Variants in TRERF1 observed in about 807,000 individuals in gnomAD.
The protein encoded by TRERF1 is transcriptional regulating factor 1, also known as transcriptional-regulating factor 1.
Under a neutral mutation model 122.9 loss-of-function variants are expected in TRERF1, and 27 were observed. The observed-to-expected ratio is 0.22, with a 90% CI of 0.16 to 0.30. TRERF1 has a LOEUF of 0.30. TRERF1 is among the 10% of genes least tolerant of loss of function. The probability of loss-of-function intolerance (pLI) is 1.00; values close to 1 mark genes in which losing one functional copy is unlikely to be tolerated. For missense variants in TRERF1, 1,248 were observed against 1,560.3 expected, an observed-to-expected ratio of 0.80 and a Z score of 3.37; for synonymous variants, 636 against 641.7, an observed-to-expected ratio of 0.99 and a Z score of 0.13.
intron 3 of TRERF1, among the ~76,000 whole-genome samples, chr6:42,351,535 A>G (rs1438311746): frequency 6.6e-6 from 1 of 152,260 alleles, no homozygotes; most frequent in Admixed American, 6.5e-5. Context: ...TTGTGAAGAA[A>G]AATATATAGC....
intron 3 of TRERF1, among the ~76,000 whole-genome samples, chr6:42,320,060 C>A (rs1272157854): frequency 2.0e-5 from 3 of 151,814 alleles, no homozygotes; most frequent in African/African-American, 7.3e-5. Context: ...CATCACTATG[C>A]CCAGCTAATT....
In TRERF1 at chr6:42,268,292, C is replaced by T. The variant is rs1465651501; in HGVS notation, c.1299G>A (p.Met433Ile). 4 of 1,513,504 alleles carry T rather than the reference C, an allele frequency of 2.6e-6. No individual in the cohort carries two copies. In the East Asian group the frequency reaches 6.9e-5, roughly 26 times the overall value. The allele number at this position is 1,513,504 out of a possible 1,614,324, so 93.8% of individuals were successfully genotyped here. Residue 433 changes from methionine (M) to isoleucine (I), a missense_variant, in exon 5 of 18, where the codon ATG becomes ATA. By Grantham distance (10) the Met-to-Ile change is conservative. Coordinates refer to ENST00000372922, the Ensembl canonical transcript of TRERF1. This position sits in a 1 kb window ranked among gnomAD's most constrained non-coding sequence, Gnocchi z 4.4. ...TCAGATCTGAGCTCGCTGGGTCTCC[C>T]ATTCCTGTGTCAGGAGGCCCCAGGT... is the stretch of plus-strand genomic sequence containing the variant.
chr6:42,259,907 C>G lies in TRERF1; in HGVS notation c.1885-184G>C, dbSNP rs1423881927. Among the ~76,000 whole-genome samples the G allele has an allele frequency of 6.6e-6, 1 of 151,718 alleles. No homozygotes were observed. The highest frequency in any genetic ancestry group is 1.5e-5 in the Non-Finnish European group (1 of 67,930). Reference sequence around the variant, plus strand: ...GGCAAAGCGAGTTCTGGTTGCTAGACTAGGGAGAAAACTAAGGTTTTGGAA... The same window carrying G: ...GGCAAAGCGAGTTCTGGTTGCTAGAGTAGGGAGAAAACTAAGGTTTTGGAA... On this transcript the variant is annotated intron_variant, in intron 8 of 17. Transcript: ENST00000372922. This position sits in a 1 kb window ranked among gnomAD's most constrained non-coding sequence, Gnocchi z 4.9.
chr6:42,242,570 C>A (rs570184173), intron 15 of TRERF1, among the ~76,000 whole-genome samples: 23 of 152,224 alleles, frequency 1.5e-4, no homozygotes, highest in African/African-American at 4.6e-4. Flanking sequence ...GAGTTAATTG[C>A]AAGGATCACA....
intron 3 of TRERF1, among the ~76,000 whole-genome samples, chr6:42,316,230 G>A (rs774553638): frequency 6.6e-6 from 1 of 152,086 alleles, no homozygotes; most frequent in Admixed American, 6.5e-5. Flanking sequence ...CCTCCTCCCC[G>A]CATTGCTAAT....
Position 42,278,543 on chromosome 6 carries a change from G to A in TRERF1, c.-258-8695C>T, listed in dbSNP as rs374290953. Among the ~76,000 whole-genome samples, 3 of 152,186 alleles carry A rather than the reference G, an allele frequency of 2.0e-5. No homozygotes were observed. In the South Asian group the frequency reaches 6.2e-4, roughly 31 times the overall value. On this transcript the variant is annotated intron_variant, in intron 4 of 17. Transcript: ENST00000372922. Reference sequence around the variant, plus strand: ...CGCACCTTTCAGCCTAAAGGGAAAGGTGCAACAGGCTCTGAGTGGGGCATG... The same window carrying A: ...CGCACCTTTCAGCCTAAAGGGAAAGATGCAACAGGCTCTGAGTGGGGCATG...
chr6:42,322,785 T>C (rs543200402), intron 3 of TRERF1, among the ~76,000 whole-genome samples: 3 of 152,262 alleles, frequency 2.0e-5, no homozygotes, highest in Non-Finnish European at 2.9e-5. Context: ...AAGATAGCCG[T>C]TGCCAGAAAA....
At position 42,230,241 on chromosome 6, in the gene TRERF1, T is replaced by C. The variant is rs534501637; in HGVS notation, c.3279-1572A>G. Among the ~76,000 whole-genome samples, 7 of 152,316 alleles carry C rather than the reference T, an allele frequency of 4.6e-5. No homozygotes were observed. The South Asian group carries it at 1.5e-3, about 32-fold the overall frequency. ...AATTTCAGCACCTCTAAGAGGTATTTTGTGAACATTTGCCTAATGTTATTT... is the reference window on the plus strand; with the variant it reads ...AATTTCAGCACCTCTAAGAGGTATTCTGTGAACATTTGCCTAATGTTATTT... On this transcript the variant is annotated intron_variant, in intron 17 of 17. Coordinates refer to ENST00000372922, the Ensembl canonical transcript of TRERF1.
intron 14 of TRERF1, among the ~76,000 whole-genome samples, chr6:42,243,828 C>A (rs981682177): frequency 1.3e-5 from 2 of 151,624 alleles, no homozygotes; most frequent in South Asian, 4.2e-4. Flanking sequence ...GATCCGCCCA[C>A]CTCGGCCTCC....
intron 3 of TRERF1, among the ~76,000 whole-genome samples, chr6:42,357,397 T>C (rs911049154): frequency 2.0e-5 from 3 of 147,552 alleles, no homozygotes; most frequent in African/African-American, 7.5e-5. Context: ...CATATAAGCA[T>C]ACGAGCACAG....
chr6:42,395,076 G>A (rs571918963), intron 2 of TRERF1, among the ~76,000 whole-genome samples: 2 of 152,202 alleles, frequency 1.3e-5, no homozygotes, highest in African/African-American at 2.4e-5. Flanking sequence ...AGACAGGGCC[G>A]GCACCCTTCT....
At chr6:42,376,639 T>A (rs538862425) in intron 2 of TRERF1, among the ~76,000 whole-genome samples, 1 of 146,250 alleles carries the variant, frequency 6.8e-6, no homozygotes, top group Admixed American at 7.1e-5. Flanking sequence ...GCCTCTCGGG[T>A]TCAAGCGATT....
chr6:42,237,749 C>CTT (rs1772577348), intron 15 of TRERF1, among the ~76,000 whole-genome samples: 1 of 152,228 alleles, frequency 6.6e-6, no homozygotes, highest in African/African-American at 2.4e-5. Flanking sequence ...ACCCAGAAAA[C>CTT]ATAAGCTTCC....
At chr6:42,257,487 A>G (rs939758981) in intron 10 of TRERF1, among the ~76,000 whole-genome samples, 1 of 152,224 alleles carries the variant, frequency 6.6e-6, no homozygotes, top group East Asian at 1.9e-4. Flanking sequence ...ACTTTCACAG[A>G]TATTATCCCA....
chr6:42,309,372 G>A (rs561756154), intron 3 of TRERF1, among the ~76,000 whole-genome samples: 9 of 152,292 alleles, frequency 5.9e-5, no homozygotes, highest in Admixed American at 1.3e-4. Flanking sequence ...AGGGCACAGA[G>A]CTAACAATGG....
At chr6:42,253,971 A>C (rs1776285709) in intron 13 of TRERF1, among the ~76,000 whole-genome samples, 1 of 152,226 alleles carries the variant, frequency 6.6e-6, no homozygotes. Flanking sequence ...TCCAAAATAA[A>C]GAACCAACTT....
At chr6:42,295,253 C>T (rs1784905615) in intron 4 of TRERF1, among the ~76,000 whole-genome samples, 1 of 152,180 alleles carries the variant, frequency 6.6e-6, no homozygotes, top group Non-Finnish European at 1.5e-5. Context: ...TCCCAAGAGG[C>T]TGAACTTTTA....
At chr6:42,246,609 A>C in intron 13 of TRERF1, 65 bp from the exon 14 acceptor site, 2 of 1,211,110 alleles carry the variant, frequency 1.7e-6, no homozygotes, top group Admixed American at 4.5e-5. Context: ...TTGCTGGTTC[A>C]TTTAGTTAAG....
intron 13 of TRERF1, among the ~76,000 whole-genome samples, chr6:42,249,172 C>T (rs1390388507): frequency 6.6e-6 from 1 of 152,152 alleles, no homozygotes; most frequent in Non-Finnish European, 1.5e-5. Context: ...GCTGCATCTC[C>T]GATGGGGAAT....
Sources: allele counts gnomAD v4.1 joint callset (sites outside exome capture counted in the v4.1 genomes callset), GRCh38; gene constraint gnomAD v4.1.1; non-coding constraint Gnocchi (gnomAD v3.1); transcripts MANE v1.5; gene names NCBI Gene and HGNC (gene_info 2026-07-23, HGNC 2026-07-21).